INTS4: variants seen among roughly 807,000 people sequenced by gnomAD.
INTS4 encodes the protein MSTP093.
A neutral mutation model predicts 119.5 loss-of-function variants in INTS4; 70 were observed. The observed-to-expected ratio is 0.59, with a 90% CI of 0.48 to 0.71. INTS4 has a LOEUF of 0.71. Ranked by LOEUF, INTS4 falls within the 30% of genes least tolerant of loss-of-function variation. The probability of loss-of-function intolerance (pLI) is 0.00; values close to 1 mark genes in which losing one functional copy is unlikely to be tolerated. For synonymous variants in INTS4, 316 were observed against 419.6 expected (o/e 0.75, Z 3.02); for missense variants, 867 against 1,173.2 (o/e 0.74, Z 3.81).
intron 15 of INTS4, 126 bp from the exon 16 acceptor site, chr11:77,907,936 C>T (rs543687753): frequency 3.3e-6 from 2 of 610,638 alleles, no homozygotes; most frequent in African/African-American, 3.7e-5. Flanking sequence ...AATGACGACA[C>T]TGAATGCTGG....
intron 15 of INTS4, among the ~76,000 whole-genome samples, chr11:77,909,402 C>G (rs543842916): frequency 1.3e-5 from 2 of 152,310 alleles, no homozygotes; most frequent in Admixed American, 6.5e-5. Flanking sequence ...AATCAAGACA[C>G]CTACAGATTT....
intron 19 of INTS4, 135 bp from the exon 20 acceptor site, chr11:77,891,975 T>C (rs1308567322): frequency 7.1e-7 from 1 of 1,413,364 alleles, no homozygotes; most frequent in Admixed American, 2.3e-5. Flanking sequence ...ACGACCAAGA[T>C]AGACTGGTAC....
At chr11:77,890,264 C>G (rs1303939572) in intron 21 of INTS4, among the ~76,000 whole-genome samples, 1 of 152,196 alleles carries the variant, frequency 6.6e-6, no homozygotes, top group Non-Finnish European at 1.5e-5. Context: ...AGCCAGAAGG[C>G]CTGTTCCTCT....
chr11:77,985,547 CTTT>C (rs962191206), intron 2 of INTS4, among the ~76,000 whole-genome samples: 28 of 152,158 alleles, frequency 1.8e-4, no homozygotes, highest in Non-Finnish European at 3.5e-4. Context: ...TCGCCCCCTT[CTTT>C]GAGGCCATAT....
At chr11:77,959,961 C>T (rs1954425162) in intron 6 of INTS4, among the ~76,000 whole-genome samples, 1 of 151,978 alleles carries the variant, frequency 6.6e-6, no homozygotes, top group Non-Finnish European at 1.5e-5. Flanking sequence ...TCTTGGTCAC[C>T]CTTCTCCAGA....
At chr11:77,933,723 C>G (rs1014108827) in intron 10 of INTS4, among the ~76,000 whole-genome samples, 1 of 151,638 alleles carries the variant, frequency 6.6e-6, no homozygotes, top group African/African-American at 2.4e-5. Context: ...CCCTGCCGCC[C>G]CCTATGAGAA....
intron 7 of INTS4, 53 bp downstream of exon 7, chr11:77,958,693 G>C (rs1565272782): frequency 9.4e-7 from 1 of 1,059,748 alleles, no homozygotes. Context: ...CATGGTGAGA[G>C]GAGAGGAAAA....
intron 2 of INTS4, among the ~76,000 whole-genome samples, chr11:77,989,926 G>T (rs946894092): frequency 2.6e-5 from 4 of 151,912 alleles, no homozygotes; most frequent in Non-Finnish European, 5.9e-5. Context: ...TAATAATAAT[G>T]ATTTTTGGGC....
chr11:77,973,611 T>A (rs1224571759), intron 4 of INTS4, among the ~76,000 whole-genome samples: 1 of 152,220 alleles, frequency 6.6e-6, no homozygotes, highest in East Asian at 1.9e-4. Flanking sequence ...CCTGACCTAT[T>A]CTATCCTAAA....
downstream of INTS4, among the ~76,000 whole-genome samples, chr11:77,874,631 CACAT>C (rs756923841): frequency 2.6e-5 from 4 of 152,162 alleles, no homozygotes; most frequent in Non-Finnish European, 5.9e-5. Context: ...GCTGTTTCTC[CACAT>C]AACTATACTT....
rs1220738519 is a variant in INTS4, at chr11:77,924,961, C to T, written c.1372-69G>A. On this transcript the variant is annotated intron_variant, in intron 11 of 22. Coordinates refer to ENST00000534064, the MANE Select transcript of INTS4 (RefSeq NM_033547.4). The stretch of plus-strand genomic sequence containing the variant: ...GCAGACTCAGCCTCTATCTACCATC[C>T]CCTTCTACCCAGCCACCTTCCCATC... 4.0e-6 allele frequency: 5 copies of T among 1,248,928 alleles called. No individual in the cohort carries two copies. The East Asian group carries it at 1.0e-4, about 25-fold the overall frequency. 77.4% of individuals were successfully genotyped at this position (1,248,928 alleles called of 1,614,324 possible). A position where few individuals can be genotyped will look rare whatever the true frequency, so the allele number is the denominator to read the frequency against.
chr11:77,988,487 G>C (rs1306716176), intron 2 of INTS4, among the ~76,000 whole-genome samples: 1 of 152,138 alleles, frequency 6.6e-6, no homozygotes, highest in Non-Finnish European at 1.5e-5. Context: ...AAATGGACAA[G>C]GAACATAATT....
intron 15 of INTS4, among the ~76,000 whole-genome samples, chr11:77,909,564 T>C (rs2136458645): frequency 6.6e-6 from 1 of 152,316 alleles, no homozygotes; most frequent in South Asian, 2.1e-4. Context: ...CACTTCCTCA[T>C]AACATCACCT....
chr11:77,920,250 C>CACATATACAT (rs1565244905), intron 14 of INTS4, among the ~76,000 whole-genome samples: 2 of 127,322 alleles, frequency 1.6e-5, no homozygotes, highest in Non-Finnish European at 3.3e-5. Context: ...CATATATATA[C>CACATATACAT]ATATATACAT....
chr11:77,886,752 G>A (rs1023328304), intron 21 of INTS4, among the ~76,000 whole-genome samples: 1 of 146,910 alleles, frequency 6.8e-6, no homozygotes, highest in East Asian at 2.0e-4. Flanking sequence ...GGAGGCGCCC[G>A]GCGAGGGGGC....
chr11:77,966,974 C>T (rs1488131442), intron 4 of INTS4, among the ~76,000 whole-genome samples: 2 of 152,130 alleles, frequency 1.3e-5, no homozygotes, highest in African/African-American at 4.8e-5. Flanking sequence ...ACTACCAATG[C>T]ACAAGGGTTC....
At position 77,903,878 on chromosome 11, in the gene INTS4, GAGGAC is replaced by G. The variant is rs778461428; in HGVS notation, c.2017-263_2017-259del. On this transcript the variant is annotated intron_variant, in intron 16 of 22. Transcript: ENST00000534064. ...TCCCAGATCAGTGCTTCTGGAAGCA[GAGGAC>G]AGGAACCACGAAAGCTTCACCAGAA... 6.6e-5 allele frequency among the ~76,000 whole-genome samples: 10 copies of G among 152,168 alleles called. No homozygotes were observed. The East Asian group carries it at 1.4e-3, about 21-fold the overall frequency.
intron 13 of INTS4, among the ~76,000 whole-genome samples, chr11:77,921,892 G>C (rs540686811): frequency 6.6e-5 from 10 of 152,092 alleles, no homozygotes. Flanking sequence ...TTAGCCGGGA[G>C]TGGTGGCAGG....
chr11:77,884,970 G>A (rs1207401271), intron 21 of INTS4: 1 of 196,814 alleles, frequency 5.1e-6, no homozygotes, highest in Admixed American at 5.1e-5. Context: ...ATGTTGCCCA[G>A]GCTAGTCTCC....
Sources: allele counts gnomAD v4.1 joint callset (sites outside exome capture counted in the v4.1 genomes callset), GRCh38; gene constraint gnomAD v4.1.1; transcripts MANE v1.5; gene names NCBI Gene and HGNC (gene_info 2026-07-23, HGNC 2026-07-21).